The following PRAC2 variants were observed in gnomAD, a reference collection of about 807,000 sequenced individuals.
PRAC2 encodes PRAC2 small nuclear protein.
For missense variants in PRAC2, 92 were observed against 114.5 expected (o/e 0.80, Z 0.90); for synonymous variants, 43 against 49.5 (o/e 0.87, Z 0.55).
At chr17:48,722,045 G>A (rs1414189574), upstream of PRAC2, 20 of 953,402 alleles carry the variant, frequency 2.1e-5, no homozygotes, top group Non-Finnish European at 2.5e-5. Flanking sequence ...CCACTCCCAA[G>A]CCTCTCCCCC....
At chr17:48,721,737 T>C, upstream of PRAC2, 1 of 1,360,560 alleles carries the variant, frequency 7.3e-7, no homozygotes. Context: ...TTTAAAAAAA[T>C]TTTATTGTAT....
At chr17:48,723,748 G>C in intron 1 of PRAC2, 1 of 1,231,772 alleles carries the variant, frequency 8.1e-7, no homozygotes, top group African/African-American at 1.5e-5. Context: ...TGCTGGAACC[G>C]AGATTCAAAA....
upstream of PRAC2, among the ~76,000 whole-genome samples, chr17:48,720,133 C>G (rs941790448): frequency 6.6e-6 from 1 of 152,244 alleles, no homozygotes; most frequent in Admixed American, 6.5e-5. Flanking sequence ...AGAGCTGCCT[C>G]TCTGCCCTCA....
At chr17:48,723,664 G>A (rs994860248) in intron 1 of PRAC2, 3 of 1,226,580 alleles carry the variant, frequency 2.4e-6, no homozygotes, top group South Asian at 4.1e-5. Context: ...GGCCTCGCAG[G>A]GTTCCCGGAA....
upstream of PRAC2, among the ~76,000 whole-genome samples, chr17:48,723,016 G>T (rs1420445683): frequency 6.6e-6 from 1 of 152,130 alleles, no homozygotes; most frequent in East Asian, 1.9e-4. Context: ...CGACCACTTC[G>T]TCCCCTCCCC....
At chr17:48,722,296 C>G, upstream of PRAC2, 1 of 1,603,336 alleles carries the variant, frequency 6.2e-7, no homozygotes. Context: ...CGATAACGCC[C>G]TTGGCCCACC....
upstream of PRAC2, among the ~76,000 whole-genome samples, chr17:48,720,992 AG>A (rs1210340800): frequency 2.0e-5 from 3 of 152,042 alleles, no homozygotes; most frequent in Non-Finnish European, 2.9e-5. Context: ...CAATTTCTTT[AG>A]GTTATAAAGT....
At chr17:48,721,736 A>T, upstream of PRAC2, 2 of 1,359,272 alleles carry the variant, frequency 1.5e-6, no homozygotes, top group Non-Finnish European at 9.6e-7. Flanking sequence ...TTTTAAAAAA[A>T]TTTTATTGTA....
chr17:48,723,429 C>T (rs1019256215), intron 1 of PRAC2, 116 bp downstream of exon 1: 12 of 340,116 alleles, frequency 3.5e-5, no homozygotes, highest in Non-Finnish European at 6.3e-5. Flanking sequence ...TAGAGTGCAG[C>T]ACTTAGCACC....
upstream of PRAC2, among the ~76,000 whole-genome samples, chr17:48,719,194 C>T (rs532608482): frequency 3.5e-5 from 5 of 143,928 alleles, no homozygotes; most frequent in East Asian, 1.0e-3. Flanking sequence ...TAAACACACT[C>T]GCACGCGCTC....
In PRAC2 at chr17:48,724,594, C is replaced by T. The variant is rs2038185446; in HGVS notation, c.184C>T (p.Gln62Ter). The T allele has an allele frequency of 3.2e-6, 4 of 1,232,170 alleles. No individual in the cohort carries two copies. The South Asian group carries it at 1.6e-4, about 51-fold the overall frequency. The allele number at this position is 1,232,170 out of a possible 1,614,324, so 76.3% of individuals were successfully genotyped here. The change falls in exon 2 of 2, where the codon CAG (glutamine) becomes TAG (stop). Residue 62 changes from glutamine to a stop codon, truncating the protein, a stop_gained. Transcript: ENST00000422730. LOFTEE classifies it low-confidence loss of function (END_TRUNC). ...RRHRVLDPHT[Q>*]LSTHEAPGRW... is the part of the protein sequence containing the mutation. ...ACATCGGGTCCTGGACCCCCACACG[C>T]AGCTCAGTACCCACGAGGCCCCAGG...
chr17:48,721,930 A>G, upstream of PRAC2: 1 of 1,486,626 alleles, frequency 6.7e-7, no homozygotes, highest in Non-Finnish European at 9.0e-7. Flanking sequence ...TACAAATTTT[A>G]AATAATAATA....
At chr17:48,719,877 C>G (rs2038128603), upstream of PRAC2, among the ~76,000 whole-genome samples, 1 of 152,150 alleles carries the variant, frequency 6.6e-6, no homozygotes, top group African/African-American at 2.4e-5. Context: ...TCGGGTCGCT[C>G]CACAGCCCCC....
At chr17:48,720,290 C>G (rs2038132600), upstream of PRAC2, among the ~76,000 whole-genome samples, 1 of 152,336 alleles carries the variant, frequency 6.6e-6, no homozygotes, top group East Asian at 1.9e-4. Flanking sequence ...GATGCCCCTG[C>G]TCTCTGCCTG....
At chr17:48,718,909 TC>T (rs1226385816), upstream of PRAC2, among the ~76,000 whole-genome samples, 1 of 152,160 alleles carries the variant, frequency 6.6e-6, no homozygotes, top group African/African-American at 2.4e-5. Flanking sequence ...GGGACCTGAC[TC>T]CCTGCGGTGT....
At chr17:48,719,980 C>G (rs1002880445), upstream of PRAC2, among the ~76,000 whole-genome samples, 2 of 152,170 alleles carry the variant, frequency 1.3e-5, no homozygotes, top group Non-Finnish European at 2.9e-5. Context: ...TGACAAAAAC[C>G]TGCCTGGAAT....
At chr17:48,720,773 G>T (rs2038137338), upstream of PRAC2, among the ~76,000 whole-genome samples, 1 of 152,182 alleles carries the variant, frequency 6.6e-6, no homozygotes, top group Non-Finnish European at 1.5e-5. Flanking sequence ...CCTGAGGAGG[G>T]GCTGGGTCTA....
At chr17:48,719,545 G>A (rs1253682916), upstream of PRAC2, among the ~76,000 whole-genome samples, 1 of 152,222 alleles carries the variant, frequency 6.6e-6, no homozygotes, top group Non-Finnish European at 1.5e-5. Context: ...AAACCGAGCG[G>A]CGACGGCCTC....
At chr17:48,721,631 T>C, upstream of PRAC2, 2 of 609,498 alleles carry the variant, frequency 3.3e-6, no homozygotes, top group Admixed American at 8.4e-5. Flanking sequence ...GGCCCGTTTT[T>C]ATTTTTTTAA....
Sources: gnomAD v4.1 joint callset for allele counts (sites outside exome capture counted in the v4.1 genomes callset) on GRCh38, gnomAD v4.1.1 for gene constraint, MANE v1.5 for transcripts, NCBI Gene and HGNC (gene_info 2026-07-23, HGNC 2026-07-21) for gene names.